Variants in BTK observed in about 807,000 individuals in gnomAD.
BTK encodes Bruton tyrosine kinase.
In BTK, 5 loss-of-function variants were observed where a neutral mutation model predicts 57.4. The observed-to-expected ratio is 0.09, with a 90% CI of 0.05 to 0.18. The LOEUF (loss-of-function observed/expected upper bound fraction) is 0.18, where lower values mean the gene tolerates loss of function less well. Among genes scored for constraint, BTK ranks in the 10% least tolerant of loss-of-function variants. The pLI is 1.00. For missense variants in BTK, 194 were observed against 501.2 expected (o/e 0.39, Z 5.85); for synonymous variants, 154 against 174.3 (o/e 0.88, Z 0.92).
chrX:101,382,123 C>G (rs1296757887), intron 1 of BTK, among the ~76,000 whole-genome samples: 2 of 109,205 alleles, frequency 1.8e-5, no homozygotes, highest in African/African-American at 6.7e-5. Flanking sequence ...TGCTTTTGTT[C>G]GGGCCCCAGT....
At position 101,358,713 on chromosome X, in the gene BTK, G is replaced by T; in HGVS notation, c.895-17C>A. ...TTCTTTCCCCTGAAACAACGAAAAA[G>T]AAGCTGTCTGTAGGAGGAAGTGGTG... On this transcript the variant is annotated splice_polypyrimidine_tract_variant and intron_variant, in intron 10 of 18. Transcript: ENST00000308731. 1 of 1,186,427 alleles carries T rather than the reference G, an allele frequency of 8.4e-7. No homozygotes were observed. Among genetic ancestry groups the T allele is most frequent in the Non-Finnish European group, 1.1e-6 (1 of 872,582 alleles).
At chrX:101,374,763 A>C in intron 2 of BTK, 129 bp from the exon 3 acceptor site, 1 of 581,397 alleles carries the variant, frequency 1.7e-6, no homozygotes, top group Non-Finnish European at 2.9e-6. Context: ...GGGGGAAGAA[A>C]AAAAAATCCT....
chrX:101,357,682 C>T lies in BTK; in HGVS notation c.1103-99G>A, dbSNP rs186476627. 2.1e-3 allele frequency: 1,461 copies of T among 705,565 alleles called. 2 individuals are homozygous for T. Among genetic ancestry groups the T allele is most frequent in the Non-Finnish European group, 3.1e-3 (1,361 of 437,482 alleles). The allele number at this position is 705,565 out of a possible 1,213,427, so 58.1% of individuals were successfully genotyped here. A position where few individuals can be genotyped will look rare whatever the true frequency, so the allele number is the denominator to read the frequency against. ...CCTCACACTTCCGGTGTGTATCTTT[C>T]TAGTACATTTTGAATCCCAGAAGAC... On this transcript the variant is annotated intron_variant, in intron 12 of 18. Transcript: ENST00000308731.
chrX:101,364,072 T>C (rs1926767166), intron 5 of BTK, among the ~76,000 whole-genome samples: 1 of 107,479 alleles, frequency 9.3e-6, no homozygotes, highest in Non-Finnish European at 1.9e-5. Flanking sequence ...ATAACTTTTT[T>C]TAAAAAAGAC....
intron 1 of BTK, among the ~76,000 whole-genome samples, chrX:101,377,601 T>C (rs1927253893): frequency 9.0e-6 from 1 of 111,268 alleles, no homozygotes; most frequent in East Asian, 2.8e-4. Flanking sequence ...TGTCCCCTGC[T>C]CTTACTTCCT....
chrX:101,361,139 C>T (rs781902913), intron 7 of BTK, among the ~76,000 whole-genome samples: 9 of 109,828 alleles, frequency 8.2e-5, no homozygotes, highest in Non-Finnish European at 7.6e-5. Flanking sequence ...TAACTTGACC[C>T]CAGGAGGCGG....
intron 3 of BTK, among the ~76,000 whole-genome samples, chrX:101,372,615 AT>A (rs1555980504): frequency 9.3e-6 from 1 of 107,513 alleles, no homozygotes; most frequent in African/African-American, 3.4e-5. Flanking sequence ...TGCCCAGCTA[AT>A]TTTTGTATTT....
At chrX:101,359,722 G>A (rs1603007525) in intron 9 of BTK, among the ~76,000 whole-genome samples, 1 of 109,419 alleles carries the variant, frequency 9.1e-6, no homozygotes, top group Non-Finnish European at 1.9e-5. Context: ...TGGATTTGAG[G>A]GCATGGTGAC....
intron 4 of BTK, among the ~76,000 whole-genome samples, chrX:101,370,877 A>T (rs1927007488): frequency 8.9e-6 from 1 of 112,792 alleles, no homozygotes; most frequent in African/African-American, 3.2e-5. Context: ...AGGCATTGGT[A>T]GTAAAAACTG....
intron 1 of BTK, among the ~76,000 whole-genome samples, chrX:101,378,922 C>T (rs1246886037): frequency 9.0e-6 from 1 of 110,762 alleles, no homozygotes; most frequent in African/African-American, 3.3e-5. Flanking sequence ...GCCCGTAATC[C>T]CAGCACTTTG....
intron 5 of BTK, among the ~76,000 whole-genome samples, chrX:101,367,246 G>GAA (rs10632421): frequency 0.12 from 11,181 of 90,948 alleles, 736 homozygotes; most frequent in South Asian, 0.25. Flanking sequence ...TCCATATCAA[G>GAA]AAAAAAAAAA....
chrX:101,371,411 T>A (rs1251974531), intron 4 of BTK, among the ~76,000 whole-genome samples: 3 of 112,288 alleles, frequency 2.7e-5, no homozygotes, highest in African/African-American at 9.7e-5. Context: ...TGCTATGTAT[T>A]CTTTTTGAGG....
chrX:101,349,689 A>T lies in BTK; in HGVS notation c.*196T>A, dbSNP rs1267455239. The T allele has an allele frequency of 4.5e-6, 2 of 442,914 alleles. No homozygotes were observed. Among genetic ancestry groups the T allele is most frequent in the Non-Finnish European group, 8.0e-6 (2 of 251,294 alleles). 36.5% of individuals were successfully genotyped at this position (442,914 alleles called of 1,213,427 possible). ...CTCTCGGGAAATTTCAGGCACAATA[A>T]TTTCTTGGCCTTTGCTCAGAAGCCA... On this transcript the variant is annotated 3_prime_UTR_variant, in exon 19 of 19. Transcript: ENST00000308731.
chrX:101,353,085 A>AT, intron 18 of BTK, 109 bp downstream of exon 18: 3 of 711,356 alleles, frequency 4.2e-6, no homozygotes, highest in Non-Finnish European at 6.2e-6. Flanking sequence ...AAAAAAAAAA[A>AT]GGAAAAAAAA....
chrX:101,359,822 G>T (rs1926603320), intron 9 of BTK, among the ~76,000 whole-genome samples: 1 of 105,927 alleles, frequency 9.4e-6, no homozygotes. Context: ...TGATTCAGAT[G>T]GTACTAATTT....
At chrX:101,373,367 C>T (rs1257400074) in intron 3 of BTK, among the ~76,000 whole-genome samples, 1 of 111,707 alleles carries the variant, frequency 9.0e-6, no homozygotes, top group Non-Finnish European at 1.9e-5. Context: ...TACTTGTAGA[C>T]AAACCGAATG....
Position 101,370,090 on chromosome X carries a change from GA to G in BTK, c.310-12del. 2 of 1,179,979 alleles carry G rather than the reference GA, an allele frequency of 1.7e-6. No homozygotes were observed. The highest frequency in any genetic ancestry group is 2.3e-6 in the Non-Finnish European group (2 of 866,709). On this transcript the variant is annotated splice_polypyrimidine_tract_variant and intron_variant, in intron 4 of 18. Transcript: ENST00000308731. ...TTCATCATATACAACCTGGGTCGAT[GA>G]AAACACAGACTTCAGCAGTTAGGAT...
chrX:101,374,080 A>C (rs1555980733), intron 3 of BTK, among the ~76,000 whole-genome samples: 2 of 111,550 alleles, frequency 1.8e-5, no homozygotes, highest in Non-Finnish European at 3.8e-5. Context: ...GAAAATACTG[A>C]AATTGATATA....
chrX:101,377,892 T>A (rs1555981258), intron 1 of BTK: 1 of 111,350 alleles, frequency 9.0e-6, no homozygotes, highest in African/African-American at 3.3e-5. Flanking sequence ...TTTCTTATGA[T>A]CCAGTCCAGA....
Sources: gnomAD v4.1 joint callset for allele counts (sites outside exome capture counted in the v4.1 genomes callset) on GRCh38, gnomAD v4.1.1 for gene constraint, MANE v1.5 for transcripts, NCBI Gene and HGNC (gene_info 2026-07-23, HGNC 2026-07-21) for gene names.